Variants in AAK1 observed in about 807,000 individuals in gnomAD.
AAK1 encodes the protein AP2 associated kinase 1.
AAK1 carries 37 observed loss-of-function variants against 116.0 expected under a neutral mutation model. The observed-to-expected ratio is 0.32, with a 90% CI of 0.25 to 0.42. The LOEUF (loss-of-function observed/expected upper bound fraction) is 0.42, where lower values mean the gene tolerates loss of function less well. AAK1 is among the 10% of genes least tolerant of loss of function. The pLI, the probability that AAK1 is intolerant of heterozygous loss-of-function variation, is 1.00. For missense variants in AAK1, 919 were observed against 1,170.6 expected (o/e 0.79, Z 3.14); for synonymous variants, 458 against 439.9 (o/e 1.04, Z -0.51).
intron 2 of AAK1, among the ~76,000 whole-genome samples, chr2:69,624,266 G>C (rs1052621310): frequency 1.3e-5 from 2 of 152,094 alleles, no homozygotes; most frequent in Non-Finnish European, 2.9e-5. Flanking sequence ...AGTACTCAAA[G>C]GCTTAAAAAA....
At chr2:69,567,072 T>C (rs1671905354) in intron 2 of AAK1, among the ~76,000 whole-genome samples, 1 of 152,236 alleles carries the variant, frequency 6.6e-6, no homozygotes, top group Admixed American at 6.5e-5. Flanking sequence ...CTCTCCAACC[T>C]AGCTCATACA....
At chr2:69,599,847 G>A (rs1010527140) in intron 2 of AAK1, among the ~76,000 whole-genome samples, 1 of 152,014 alleles carries the variant, frequency 6.6e-6, no homozygotes, top group African/African-American at 2.4e-5. Context: ...GTATGATCAC[G>A]GCTCACTGCA....
chr2:69,487,772 T>C (rs1675354412), intron 17 of AAK1, among the ~76,000 whole-genome samples: 2 of 151,622 alleles, frequency 1.3e-5, no homozygotes, highest in South Asian at 4.2e-4. Context: ...TGCATTAGTA[T>C]TTTTTGTTTG....
In AAK1 at chr2:69,527,199, T is replaced by C. The variant is rs774031351; in HGVS notation, c.975+17A>G. On this transcript the variant is annotated intron_variant, in intron 9 of 21. Transcript: ENST00000409085. ...TTTGATAATGTTTACTCCCTTTAAA[T>C]AGCACCATTCACGTACCTGTACATT... 2 of 1,549,098 alleles carry C rather than the reference T, an allele frequency of 1.3e-6. No individual in the cohort carries two copies. Among genetic ancestry groups the C allele is most frequent in the African/African-American group, 1.4e-5 (1 of 73,666 alleles).
Position 69,518,970 on chromosome 2 carries a change from T to G in AAK1, c.1481A>C (p.Gln494Pro), listed in dbSNP as rs1320693564. 97 of 1,547,584 alleles carry G rather than the reference T, an allele frequency of 6.3e-5. No individual in the cohort carries two copies. The highest frequency in any genetic ancestry group is 8.3e-5 in the Non-Finnish European group (95 of 1,145,738). ...CCACCTTACCTGCTGAGTCTGGGCC[T>G]GCTGCTGCTGGTAAAACGTGCCTGC... is the stretch of plus-strand genomic sequence containing the variant. ...QPAGTFYQQQ[Q>P]AQTQQFQAVH... Residue 494 changes from glutamine to proline, a missense_variant, in exon 12 of 22, where the codon CAG (glutamine) becomes CCG (proline). Coordinates refer to ENST00000409085, the MANE Select transcript of AAK1 (RefSeq NM_014911.5).
At chr2:69,641,135 T>C (rs936869817) in intron 2 of AAK1, among the ~76,000 whole-genome samples, 2 of 152,176 alleles carry the variant, frequency 1.3e-5, no homozygotes, top group Non-Finnish European at 2.9e-5. Context: ...CCTTTTCTTT[T>C]CCCTATCACT....
In AAK1 at chr2:69,643,224, C is replaced by G; in HGVS notation, c.-184G>C. On this transcript the variant is annotated 5_prime_UTR_variant, in exon 2 of 22. Coordinates refer to ENST00000409085, the MANE Select transcript of AAK1 (RefSeq NM_014911.5). The stretch of plus-strand genomic sequence containing the variant: ...TGCCTATAGGAATATGCGTGTCAAT[C>G]GCGCAGCGGGTCCCCTCCTCCTCCA... 7.1e-7 allele frequency: 1 copy of G among 1,409,196 alleles called. No homozygotes were observed. The highest frequency in any genetic ancestry group is 2.6e-4 in the Middle Eastern group (1 of 3,832). 87.3% of individuals were successfully genotyped at this position (1,409,196 alleles called of 1,614,324 possible).
Position 69,473,362 on chromosome 2 carries a change from T to C in AAK1, c.*2507A>G, listed in dbSNP as rs1674743900. ...ACCAGGACACTATGCTCAACTCAAA[T>C]AAACTCTTTCAGCTCAGGGATGATG... On this transcript the variant is annotated 3_prime_UTR_variant, in exon 22 of 22. Coordinates refer to ENST00000409085, the MANE Select transcript of AAK1 (RefSeq NM_014911.5). 2.0e-6 allele frequency: 2 copies of C among 985,364 alleles called. 1 individual carries two copies. The highest frequency in any genetic ancestry group is 9.4e-5 in the South Asian group (2 of 21,294). 61.0% of individuals were successfully genotyped at this position (985,364 alleles called of 1,614,324 possible).
intron 16 of AAK1, among the ~76,000 whole-genome samples, chr2:69,499,688 T>C (rs911567876): frequency 1.3e-5 from 2 of 152,112 alleles, no homozygotes; most frequent in Non-Finnish European, 2.9e-5. Flanking sequence ...AAGGATAAAA[T>C]AACTGCTTTT....
At chr2:69,517,172 G>A (rs775211402) in intron 12 of AAK1, 3 of 152,166 alleles carry the variant, frequency 2.0e-5, no homozygotes, top group African/African-American at 7.2e-5. Context: ...TGGATGACAA[G>A]AGGGAACAAA....
At chr2:69,627,238 G>A (rs1674944490) in intron 2 of AAK1, among the ~76,000 whole-genome samples, 1 of 150,946 alleles carries the variant, frequency 6.6e-6, no homozygotes, top group Non-Finnish European at 1.5e-5. Context: ...GCAGTGAGCC[G>A]AGACTGCACC....
chr2:69,538,047 T>G (rs1670551614), intron 5 of AAK1, among the ~76,000 whole-genome samples: 1 of 152,232 alleles, frequency 6.6e-6, no homozygotes, highest in Admixed American at 6.5e-5. Flanking sequence ...TCTGCAGGTT[T>G]CACGTCTCCC....
intron 15 of AAK1, 77 bp from the exon 16 acceptor site, chr2:69,505,750 AT>A: frequency 2.7e-6 from 3 of 1,129,068 alleles, no homozygotes; most frequent in Non-Finnish European, 3.9e-6. Context: ...GGTAAGGGGC[AT>A]TCTCTGAACT....
intron 3 of AAK1, among the ~76,000 whole-genome samples, chr2:69,546,005 A>G (rs1670909417): frequency 6.6e-6 from 1 of 152,120 alleles, no homozygotes; most frequent in South Asian, 2.1e-4. Flanking sequence ...GAGCTTTAAG[A>G]TACAGGACAG....
intron 10 of AAK1, among the ~76,000 whole-genome samples, chr2:69,524,478 G>A (rs555618166): frequency 1.5e-4 from 22 of 151,652 alleles, no homozygotes; most frequent in Non-Finnish European, 2.5e-4. Context: ...TCTGTCGCCC[G>A]GGCTAGAGTG....
At chr2:69,580,583 T>C (rs1463166534) in intron 2 of AAK1, among the ~76,000 whole-genome samples, 1 of 152,204 alleles carries the variant, frequency 6.6e-6, no homozygotes, top group Non-Finnish European at 1.5e-5. Flanking sequence ...GCCTTTTTCT[T>C]CTAATTTCAG....
At chr2:69,616,931 G>A (rs1674356033) in intron 2 of AAK1, among the ~76,000 whole-genome samples, 1 of 152,024 alleles carries the variant, frequency 6.6e-6, no homozygotes, top group Admixed American at 6.6e-5. Flanking sequence ...AGCCACCCAC[G>A]AGGGACCTGG....
At chr2:69,587,009 T>A (rs775642595) in intron 2 of AAK1, among the ~76,000 whole-genome samples, 3 of 152,138 alleles carry the variant, frequency 2.0e-5, no homozygotes. Context: ...CCTTCTTCCA[T>A]ATCTTCTGCC....
At chr2:69,557,421 C>A (rs1671432943) in intron 2 of AAK1, among the ~76,000 whole-genome samples, 1 of 151,832 alleles carries the variant, frequency 6.6e-6, no homozygotes, top group African/African-American at 2.4e-5. Flanking sequence ...CCCACCTCAG[C>A]CTCCCGAGTA....
Sources: gnomAD v4.1 joint callset for allele counts (sites outside exome capture counted in the v4.1 genomes callset) on GRCh38, gnomAD v4.1.1 for gene constraint, MANE v1.5 for transcripts, NCBI Gene and HGNC (gene_info 2026-07-23, HGNC 2026-07-21) for gene names.